IMPA1: variants seen among roughly 807,000 people sequenced by gnomAD.
IMPA1 encodes the protein D-galactose 1-phosphate phosphatase.
A neutral mutation model predicts 34.9 loss-of-function variants in IMPA1; 21 were observed. The ratio of observed to expected loss-of-function variants is 0.60; its 90% CI spans 0.43 to 0.87. The LOEUF (loss-of-function observed/expected upper bound fraction) is 0.87. Ranked by LOEUF, IMPA1 falls within the 40% of genes least tolerant of loss-of-function variation. The probability of loss-of-function intolerance (pLI) is 0.00; values close to 1 mark genes in which losing one functional copy is unlikely to be tolerated. For missense variants in IMPA1, 299 were observed against 336.4 expected (o/e 0.89, Z 0.87); for synonymous variants, 95 against 104.4 (o/e 0.91, Z 0.55).
chr8:81,679,780 G>A (rs1018335679), intron 3 of IMPA1, among the ~76,000 whole-genome samples: 1 of 152,216 alleles, frequency 6.6e-6, no homozygotes, highest in Non-Finnish European at 1.5e-5. Context: ...TGTTATACTA[G>A]GGTAAGGTGT....
chr8:81,686,104 A>AGGCAGGG, intron 1 of IMPA1, 148 bp downstream of exon 1: 1 of 841,012 alleles, frequency 1.2e-6, no homozygotes, highest in African/African-American at 1.8e-5. Context: ...ATAACGCAGC[A>AGGCAGGG]GGCAGGGGTC....
intron 3 of IMPA1, among the ~76,000 whole-genome samples, chr8:81,680,436 T>C (rs1387762466): frequency 6.6e-6 from 1 of 152,088 alleles, no homozygotes; most frequent in Non-Finnish European, 1.5e-5. Flanking sequence ...AGCAGACAAC[T>C]CCCCCAGGAA....
chr8:81,685,942 GGA>G, intron 1 of IMPA1: 1 of 1,526,028 alleles, frequency 6.6e-7, no homozygotes, highest in African/African-American at 1.4e-5. Flanking sequence ...CTGGGCCTGG[GGA>G]TGCACCAAGT....
intron 6 of IMPA1, among the ~76,000 whole-genome samples, chr8:81,672,245 G>A (rs745718055): frequency 1.6e-4 from 25 of 152,216 alleles, no homozygotes; most frequent in Non-Finnish European, 2.4e-4. Flanking sequence ...AATGTTTGGT[G>A]TGGTTTATGG....
At chr8:81,664,807 T>C in intron 7 of IMPA1, among the ~76,000 whole-genome samples, 1 of 151,604 alleles carries the variant, frequency 6.6e-6, no homozygotes, top group Non-Finnish European at 1.5e-5. Context: ...GCATGGCACA[T>C]GTATACATAT....
rs758115560 is a variant in IMPA1 at position 81,680,664 on chromosome 8, C to T, written c.183G>A (p.Lys61=). 5 of 1,609,856 alleles carry T rather than the reference C, an allele frequency of 3.1e-6. No individual in the cohort carries two copies. The highest frequency in any genetic ancestry group is 2.2e-5 in the South Asian group (2 of 90,548). Residue 61 remains lysine (K), a synonymous_variant, in exon 3 of 9, where the codon AAG becomes AAA. Coordinates refer to ENST00000256108, the MANE Select transcript of IMPA1 (RefSeq NM_005536.4). ...EKMLISSIKE[K]YPSHSFIGEE... is the part of the protein sequence containing the mutation. ...AATAAAAATACCTGTGAGATGGATA[C>T]TTTTCCTTTATGGAAGAGATAAGCA...
At chr8:81,659,540 T>C in intron 8 of IMPA1, 74 bp from the exon 9 acceptor site, 3 of 789,506 alleles carry the variant, frequency 3.8e-6, no homozygotes, top group Non-Finnish European at 6.4e-6. Context: ...TATAGCAATA[T>C]GTACTATGGT....
intron 6 of IMPA1, among the ~76,000 whole-genome samples, chr8:81,671,305 A>G (rs1457592212): frequency 6.6e-6 from 1 of 152,202 alleles, no homozygotes; most frequent in African/African-American, 2.4e-5. Flanking sequence ...AGTGGGAAAC[A>G]GCAAATGTCT....
Position 81,658,642 on chromosome 8 carries a change from T to C in IMPA1, c.*709A>G, listed in dbSNP as rs1210545330. ...CTGCAGAAATGCCCACAATAAGCCA[T>C]GCTATCTGATGGTATGGTAATGTGA... On this transcript the variant is annotated 3_prime_UTR_variant, in exon 9 of 9. Transcript: ENST00000256108. 6.6e-6 allele frequency: 1 copy of C among 152,608 alleles called. No individual in the cohort carries two copies. The highest frequency in any genetic ancestry group is 2.4e-5 in the African/African-American group (1 of 41,456). 9.5% of individuals were successfully genotyped at this position (152,608 alleles called of 1,614,324 possible).
At chr8:81,665,921 CTG>C (rs1442798742) in intron 7 of IMPA1, among the ~76,000 whole-genome samples, 1 of 152,330 alleles carries the variant, frequency 6.6e-6, no homozygotes, top group South Asian at 2.1e-4. Context: ...TCAGGGAAAA[CTG>C]TGCACATGTG....
At chr8:81,684,914 GAT>G (rs1807450914) in intron 1 of IMPA1, among the ~76,000 whole-genome samples, 1 of 129,272 alleles carries the variant, frequency 7.7e-6, no homozygotes, top group Admixed American at 8.0e-5. Flanking sequence ...AGTATATTTA[GAT>G]ACTATGTATA....
chr8:81,686,045 C>T (rs1807514015), intron 1 of IMPA1: 1 of 1,179,802 alleles, frequency 8.5e-7, no homozygotes, highest in Non-Finnish European at 1.1e-6. Flanking sequence ...CGTGAGCGAA[C>T]CGCTACTCCA....
intron 7 of IMPA1, among the ~76,000 whole-genome samples, chr8:81,665,118 C>T (rs1028676079): frequency 4.0e-5 from 6 of 151,816 alleles, no homozygotes; most frequent in Non-Finnish European, 7.4e-5. Flanking sequence ...AAACATCGAA[C>T]GCTGTTAATA....
chr8:81,685,935 G>A, intron 1 of IMPA1: 2 of 1,532,142 alleles, frequency 1.3e-6, no homozygotes, highest in Non-Finnish European at 1.8e-6. Context: ...TGACTACCTG[G>A]GCCTGGGGAT....
chr8:81,672,000 G>A (rs778996943), intron 6 of IMPA1, among the ~76,000 whole-genome samples: 2 of 152,096 alleles, frequency 1.3e-5, no homozygotes, highest in African/African-American at 4.8e-5. Context: ...ATATTCCTTC[G>A]GTCCAAGATT....
chr8:81,669,678 A>G (rs749555098), intron 7 of IMPA1, among the ~76,000 whole-genome samples: 1 of 152,208 alleles, frequency 6.6e-6, no homozygotes, highest in Non-Finnish European at 1.5e-5. Flanking sequence ...TTCATGATAG[A>G]ACAAGTGAAG....
chr8:81,662,795 T>C (rs117790335), intron 7 of IMPA1, among the ~76,000 whole-genome samples: 4,613 of 152,314 alleles, frequency 0.03, 110 homozygotes, highest in Non-Finnish European at 0.049. Flanking sequence ...TATGATAAAA[T>C]TGTTCTCTAA....
rs115839541 is a variant in IMPA1 at position 81,685,945 on chromosome 8, T to C, written c.-25+307A>G. On this transcript the variant is annotated intron_variant, in intron 1 of 8. Transcript: ENST00000256108. ...TAGAGTGACTACCTGGGCCTGGGGA[T>C]GCACCAAGTTTCTAGGAGCTTTTCG... 2,905 of 1,523,874 alleles carry C rather than the reference T, an allele frequency of 1.9e-3. 38 individuals carry two copies. In the African/African-American group the frequency reaches 0.035, roughly 18 times the overall value. The allele number at this position is 1,523,874 out of a possible 1,614,324, so 94.4% of individuals were successfully genotyped here.
chr8:81,685,978 G>C (rs1807511580), intron 1 of IMPA1: 1 of 1,469,450 alleles, frequency 6.8e-7, no homozygotes, highest in Admixed American at 2.4e-5. Context: ...TCGGAGTTGG[G>C]GACATAAAAA....
Sources: allele counts gnomAD v4.1 joint callset (sites outside exome capture counted in the v4.1 genomes callset), GRCh38; gene constraint gnomAD v4.1.1; transcripts MANE v1.5; gene names NCBI Gene and HGNC (gene_info 2026-07-23, HGNC 2026-07-21).